C17orf58: variants seen among roughly 807,000 people sequenced by gnomAD.
The protein encoded by C17orf58 is chromosome 17 open reading frame 58.
In C17orf58, 5 loss-of-function variants were observed where a neutral mutation model predicts 7.4. The ratio of observed to expected loss-of-function variants is 0.67; its 90% CI spans 0.35 to 1.42. The LOEUF (loss-of-function observed/expected upper bound fraction) is 1.42, where lower values mean the gene tolerates loss of function less well. Ranked by LOEUF, C17orf58 falls within the 40% of genes most tolerant of loss-of-function variation. The pLI is 0.04. For missense variants in C17orf58, 162 were observed against 174.2 expected (o/e 0.93, Z 0.40); for synonymous variants, 60 against 70.6 (o/e 0.85, Z 0.75).
Position 67,996,334 on chromosome 17 carries a change from G to C in C17orf58, c.-136C>G, listed in dbSNP as rs1402995988. On this transcript the variant is annotated 5_prime_UTR_variant, in exon 1 of 4. Coordinates refer to ENST00000580729, the MANE Select transcript of C17orf58 (RefSeq NM_001382359.1). ...GCCTTTGGGGAAACGGGAATCACTC[G>C]CTGAGCAGACCATTGGAACAAAACC... is the stretch of plus-strand genomic sequence containing the variant. 1 of 393,720 alleles carries C rather than the reference G, an allele frequency of 2.5e-6. No individual in the cohort carries two copies. The highest frequency in any genetic ancestry group is 1.4e-4 in the South Asian group (1 of 6,996). 24.4% of individuals were successfully genotyped at this position (393,720 alleles called of 1,614,324 possible). A position where few individuals can be genotyped will look rare whatever the true frequency, so the allele number is the denominator to read the frequency against.
rs782567147 is a variant in C17orf58, at chr17:67,991,916, A to C, written c.1017T>G (p.Ile339Met). The C allele has an allele frequency of 4.1e-5, 65 of 1,597,866 alleles. No individual in the cohort carries two copies. The South Asian group carries it at 6.3e-4, about 15-fold the overall frequency. The change falls in exon 4 of 4, where the codon ATT becomes ATG. Residue 339 changes from isoleucine (I) to methionine (M), a missense_variant. Ile to Met is a conservative substitution (Grantham distance 10). This residue lies in a region of C17orf58 where 65 missense variants were observed against 66.4 expected (regional missense o/e 0.98). Coordinates refer to ENST00000580729, the MANE Select transcript of C17orf58 (RefSeq NM_001382359.1). ...QIQGAIHTQCI is the reference protein window; with the variant it reads ...QIQGAIHTQCM ...CAGAAATGCCAGGATGGTTGTTTCA[A>C]ATGCATTGGGTATGAATTGCACCTT...
intron 1 of C17orf58, among the ~76,000 whole-genome samples, chr17:67,994,512 G>GCA (rs782617371): frequency 0.14 from 12,291 of 85,658 alleles, 1,441 homozygotes; most frequent in East Asian, 0.56. Flanking sequence ...GTGTGTGTGT[G>GCA]TGTGTATATA....
intron 1 of C17orf58, 74 bp downstream of exon 1, chr17:67,996,036 CGTCCCACGTTTCA>C (rs2070889062): frequency 5.0e-6 from 2 of 398,616 alleles, no homozygotes; most frequent in Non-Finnish European, 8.8e-6. Flanking sequence ...CCCCCCTCCT[CGTCCCACGTTTCA>C]CTGAGCCTCC....
At chr17:67,995,755 G>T (rs1369762657) in intron 1 of C17orf58, among the ~76,000 whole-genome samples, 2 of 152,206 alleles carry the variant, frequency 1.3e-5, no homozygotes, top group African/African-American at 4.8e-5. Flanking sequence ...AGTCGAGGGG[G>T]GCGGACCCCG....
chr17:67,992,705 A>G (rs2070846534), intron 3 of C17orf58, among the ~76,000 whole-genome samples: 1 of 151,732 alleles, frequency 6.6e-6, no homozygotes, highest in Non-Finnish European at 1.5e-5. Context: ...CCCGCTACCA[A>G]CCCCACATAC....
rs2070890314 is a variant in C17orf58, at chr17:67,996,185, G to A, written c.14C>T (p.Ala5Val). 5.0e-6 allele frequency: 2 copies of A among 399,044 alleles called. No individual in the cohort carries two copies. Among genetic ancestry groups the A allele is most frequent in the East Asian group, 7.1e-5 (2 of 28,058 alleles). 24.7% of individuals were successfully genotyped at this position (399,044 alleles called of 1,614,324 possible). Residue 5 changes from alanine to valine, a missense_variant, in exon 1 of 4, where the codon GCT becomes GTT. Physicochemically the swap from Ala to Val is moderately conservative, Grantham distance 64 (BLOSUM62 0). Coordinates refer to ENST00000580729, the MANE Select transcript of C17orf58 (RefSeq NM_001382359.1). The stretch of plus-strand genomic sequence containing the variant: ...GACGATCAAACAGAGGAGCCAGAAA[G>A]CTCTAGCTGTCATTTTTGCAGACAG... MTAR[A>V]FWLLCLIVGS...
At position 67,993,907 on chromosome 17, in the gene C17orf58, G is replaced by C. The variant is rs1356969391; in HGVS notation, c.154C>G (p.Pro52Ala). Residue 52 changes from proline to alanine, a missense_variant, in exon 2 of 4, where the codon CCA becomes GCA. Physicochemically the swap from Pro to Ala is conservative, Grantham distance 27. Around this residue, in one of 3 missense-constraint regions of C17orf58, gnomAD observed 93 missense variants for 90.4 expected, o/e 1.03. Coordinates refer to ENST00000580729, the MANE Select transcript of C17orf58 (RefSeq NM_001382359.1). This position sits in a 1 kb window ranked among gnomAD's most constrained non-coding sequence, Gnocchi z 5.1. ...GGCCGCTGCGGGGCCTCAAGGAGTG[G>C]CTGCGCGCGGGGCCCCGGTGTCTCC... ...AEETPGPRAQ[P>A]LLEAPQRPRA... 1 of 390,576 alleles carries C rather than the reference G, an allele frequency of 2.6e-6. No homozygotes were observed. The highest frequency in any genetic ancestry group is 4.5e-6 in the Non-Finnish European group (1 of 221,470). The allele number at this position is 390,576 out of a possible 1,614,324, so 24.2% of individuals were successfully genotyped here.
At position 67,993,809 on chromosome 17, in the gene C17orf58, G is replaced by A. The variant is rs1306299489; in HGVS notation, c.252C>T (p.Ala84=). 1 of 266,012 alleles carries A rather than the reference G, an allele frequency of 3.8e-6. No homozygotes were observed. Among genetic ancestry groups the A allele is most frequent in the Admixed American group, 5.5e-5 (1 of 18,236 alleles). 16.5% of individuals were successfully genotyped at this position (266,012 alleles called of 1,614,324 possible). ...CCTCCCGGAAGCTGGCCTGGTTGTC[G>A]GCCGGCGGTGGGGGCTTCCGGCGGC... ...DPRRRKPPPP[A]DNQASFREAA... is the part of the protein sequence containing the mutation. The change falls in exon 2 of 4, where the codon GCC becomes GCT. Residue 84 remains alanine, a synonymous_variant. Transcript: ENST00000580729. The surrounding 1 kb of genome is among the most constrained non-coding windows in gnomAD (Gnocchi z 5.1).
intron 3 of C17orf58, chr17:67,992,828 C>A (rs2070847562): frequency 6.6e-7 from 1 of 1,519,184 alleles, no homozygotes; most frequent in Middle Eastern, 1.7e-4. Context: ...CCGCTTTGTG[C>A]CAACCCTTGC....
chr17:67,992,896 A>C (rs1555699386), intron 3 of C17orf58, 148 bp downstream of exon 3: 1 of 1,613,502 alleles, frequency 6.2e-7, no homozygotes, highest in Non-Finnish European at 8.5e-7. Flanking sequence ...TGGCCGGAAT[A>C]ATACCTGTCG....
At position 67,996,104 on chromosome 17, in the gene C17orf58, C is replaced by T. The variant is rs2070889709; in HGVS notation, c.76+19G>A. On this transcript the variant is annotated intron_variant, in intron 1 of 3. Coordinates refer to ENST00000580729, the MANE Select transcript of C17orf58 (RefSeq NM_001382359.1). ...GATCCCCGCTCCGCTCCCAGGGCCC[C>T]GCACTACACCAATCTTACTTTTTCT... The T allele has an allele frequency of 2.8e-5, 11 of 398,992 alleles. No individual in the cohort carries two copies. The East Asian group carries it at 3.9e-4, about 14-fold the overall frequency. 24.7% of individuals were successfully genotyped at this position (398,992 alleles called of 1,614,324 possible). A position where few individuals can be genotyped will look rare whatever the true frequency, so the allele number is the denominator to read the frequency against.
rs1555699626 is a variant in C17orf58 at position 67,994,536 on chromosome 17, A to ATATAT, written c.77-553_77-552insATATA. Among the ~76,000 whole-genome samples the ATATAT allele has an allele frequency of 9.5e-4, 76 of 79,584 alleles. 1 individual carries two copies. The highest frequency in any genetic ancestry group is 2.7e-3 in the Admixed American group (21 of 7,724). The allele number at this position is 79,584 out of a possible 152,430, so 52.2% of individuals were successfully genotyped here. ...TGTGTGTATATATATATATATATAT[A>ATATAT]AAACATATATAAACATCCGCCTCTT... is the stretch of plus-strand genomic sequence containing the variant. On this transcript the variant is annotated intron_variant, in intron 1 of 3. Transcript: ENST00000580729.
At position 67,993,497 on chromosome 17, in the gene C17orf58, G is replaced by A. The variant is rs1555699480; in HGVS notation, c.564C>T (p.Pro188=). Residue 188 remains proline, a synonymous_variant, in exon 2 of 4, where the codon CCC becomes CCT. Coordinates refer to ENST00000580729, the MANE Select transcript of C17orf58 (RefSeq NM_001382359.1). This position sits in a 1 kb window ranked among gnomAD's most constrained non-coding sequence, Gnocchi z 5.1. ...AGGCGCGCGCGCAGGGCTCAGCGCCGGGCTCCGCGTCCCTCTGCGGCGGGC... is the reference window on the plus strand; with the variant it reads ...AGGCGCGCGCGCAGGGCTCAGCGCCAGGCTCCGCGTCCCTCTGCGGCGGGC... ...GLSPPQRDAE[P]GAEPCARACR... The A allele has an allele frequency of 5.0e-6, 2 of 401,294 alleles. No homozygotes were observed. Among genetic ancestry groups the A allele is most frequent in the Non-Finnish European group, 8.7e-6 (2 of 228,658 alleles). The allele number at this position is 401,294 out of a possible 1,614,324, so 24.9% of individuals were successfully genotyped here.
At position 67,993,853 on chromosome 17, in the gene C17orf58, G is replaced by C. The variant is rs575402449; in HGVS notation, c.208C>G (p.Arg70Gly). The part of the protein sequence containing the change: ...PRAAEVAPAA[R>G]AWPDPRRRKP... ...CGGCGGCGCGGGTCAGGCCAGGCGC[G>C]GGCGGCGGGAGCGACCTCGGCCGCG... Residue 70 changes from arginine (R) to glycine (G), a missense_variant, in exon 2 of 4, where the codon CGC becomes GGC. Arg to Gly is a moderately radical substitution (Grantham distance 125). Coordinates refer to ENST00000580729, the MANE Select transcript of C17orf58 (RefSeq NM_001382359.1). This position sits in a 1 kb window ranked among gnomAD's most constrained non-coding sequence, Gnocchi z 5.1. The C allele has an allele frequency of 5.9e-6, 2 of 339,884 alleles. No individual in the cohort carries two copies. The highest frequency in any genetic ancestry group is 9.4e-5 in the East Asian group (2 of 21,200). 21.1% of individuals were successfully genotyped at this position (339,884 alleles called of 1,614,324 possible). A position where few individuals can be genotyped will look rare whatever the true frequency, so the allele number is the denominator to read the frequency against.
Position 67,993,031 on chromosome 17 carries a change from T to A in C17orf58, c.829+13A>T. 1 of 1,614,176 alleles carries A rather than the reference T, an allele frequency of 6.2e-7. No individual in the cohort carries two copies. Among genetic ancestry groups the A allele is most frequent in the Non-Finnish European group, 8.5e-7 (1 of 1,180,006 alleles). On this transcript the variant is annotated intron_variant, in intron 3 of 3. Coordinates refer to ENST00000580729, the MANE Select transcript of C17orf58 (RefSeq NM_001382359.1). This position sits in a 1 kb window ranked among gnomAD's most constrained non-coding sequence, Gnocchi z 5.1. ...AAGTACATATGCAGCGTCATTCAGG[T>A]CAGTTTCAATACCAGGTTTAAACTC...
chr17:67,994,751 G>T (rs1555699643), intron 1 of C17orf58, among the ~76,000 whole-genome samples: 1 of 151,700 alleles, frequency 6.6e-6, no homozygotes, highest in Non-Finnish European at 1.5e-5. Flanking sequence ...CTGGCTTCTT[G>T]GACACCACTT....
Position 67,993,894 on chromosome 17 carries a change from G to T in C17orf58, c.167C>A (p.Ala56Asp), listed in dbSNP as rs1485656846. 1 of 385,250 alleles carries T rather than the reference G, an allele frequency of 2.6e-6. No individual in the cohort carries two copies. Among genetic ancestry groups the T allele is most frequent in the Admixed American group, 4.5e-5 (1 of 22,084 alleles). 23.9% of individuals were successfully genotyped at this position (385,250 alleles called of 1,614,324 possible). A position where few individuals can be genotyped will look rare whatever the true frequency, so the allele number is the denominator to read the frequency against. Residue 56 changes from alanine (A) to aspartate (D), a missense_variant, in exon 2 of 4, where the codon GCC becomes GAC. By Grantham distance (126) the Ala-to-Asp change is moderately radical. Coordinates refer to ENST00000580729, the MANE Select transcript of C17orf58 (RefSeq NM_001382359.1). This position sits in a 1 kb window ranked among gnomAD's most constrained non-coding sequence, Gnocchi z 5.1. ...CTCGGCCGCGCGCGGCCGCTGCGGG[G>T]CCTCAAGGAGTGGCTGCGCGCGGGG... is the stretch of plus-strand genomic sequence containing the variant. ...PGPRAQPLLEAPQRPRAAEVA... is the reference protein window; with the variant it reads ...PGPRAQPLLEDPQRPRAAEVA...
At chr17:67,995,763 C>T (rs2070886607) in intron 1 of C17orf58, among the ~76,000 whole-genome samples, 1 of 152,226 alleles carries the variant, frequency 6.6e-6, no homozygotes, top group Non-Finnish European at 1.5e-5. Flanking sequence ...GGGGCGGACC[C>T]CGCGGCGTCC....
intron 3 of C17orf58, 148 bp from the exon 4 acceptor site, chr17:67,992,251 G>A (rs1164159747): frequency 2.9e-6 from 2 of 684,252 alleles, no homozygotes; most frequent in East Asian, 6.2e-5. Context: ...GCATCTGGTG[G>A]AAACAGCCTA....
Sources: gnomAD v4.1 joint callset for allele counts (sites outside exome capture counted in the v4.1 genomes callset) on GRCh38, gnomAD v4.1.1 for gene constraint, gnomAD v4.1.1 regional missense constraint, Gnocchi (gnomAD v3.1) non-coding constraint, MANE v1.5 for transcripts, NCBI Gene and HGNC (gene_info 2026-07-23, HGNC 2026-07-21) for gene names.